Variants in NKAIN2 observed in about 807,000 individuals in gnomAD.
NKAIN2 encodes the protein sodium/potassium-transporting ATPase subunit beta-1-interacting protein 2.
In NKAIN2, 14 loss-of-function variants were observed where a neutral mutation model predicts 32.6. The observed-to-expected ratio is 0.43, with a 90% CI of 0.28 to 0.67. The LOEUF (loss-of-function observed/expected upper bound fraction) is 0.67. NKAIN2 is among the 30% of genes least tolerant of loss of function. The pLI, the probability that NKAIN2 is intolerant of heterozygous loss-of-function variation, is 0.17. For synonymous variants in NKAIN2, 80 were observed against 87.2 expected (o/e 0.92, Z 0.46); for missense variants, 198 against 258.3 (o/e 0.77, Z 1.60).
rs1468866386 is a variant in NKAIN2, at chr6:124,078,654, C to T, written c.55-204351C>T. 3.9e-5 allele frequency among the ~76,000 whole-genome samples: 6 copies of T among 151,956 alleles called. No individual in the cohort carries two copies. In the South Asian group the frequency reaches 8.3e-4, roughly 21 times the overall value. On this transcript the variant is annotated intron_variant, in intron 1 of 6. Transcript: ENST00000368417. ...ACTCTTTATCTCTACATTTTGTAAT[C>T]CTAGTTTAAAGAAGTTCTCTTGATT...
chr6:124,331,345 CAAAAAAAAAAAAAAAAAA>C (rs1162529828), intron 2 of NKAIN2, among the ~76,000 whole-genome samples: 46 of 20,816 alleles, frequency 2.2e-3, no homozygotes, highest in Admixed American at 5.4e-3. Flanking sequence ...ACTAAATATA[CAAAAAAAAAAAAAAAAAA>C]AAAAAAAAAA....
intron 1 of NKAIN2, among the ~76,000 whole-genome samples, chr6:123,858,238 C>G (rs6927299): frequency 6.6e-6 from 1 of 151,734 alleles, no homozygotes; most frequent in African/African-American, 2.4e-5. Flanking sequence ...GCCTCAGCCT[C>G]CCAAGTAGTT....
chr6:124,411,562 G>T (rs1438766886), intron 3 of NKAIN2, among the ~76,000 whole-genome samples: 2 of 152,232 alleles, frequency 1.3e-5, no homozygotes, highest in Admixed American at 1.3e-4. Flanking sequence ...CTGTTAGTCT[G>T]ATGGGCTTCC....
intron 4 of NKAIN2, among the ~76,000 whole-genome samples, chr6:124,722,057 G>C (rs1776046556): frequency 6.6e-6 from 1 of 152,138 alleles, no homozygotes; most frequent in African/African-American, 2.4e-5. Context: ...TACCTAATAT[G>C]AGTGGAATCA....
intron 1 of NKAIN2, among the ~76,000 whole-genome samples, chr6:124,221,940 A>G (rs1791854385): frequency 6.6e-6 from 1 of 152,190 alleles, no homozygotes; most frequent in Non-Finnish European, 1.5e-5. Flanking sequence ...CTATCACAAA[A>G]TGGCTTTTCA....
At chr6:124,172,977 C>T (rs1378827669) in intron 1 of NKAIN2, among the ~76,000 whole-genome samples, 2 of 152,204 alleles carry the variant, frequency 1.3e-5, no homozygotes, top group East Asian at 3.9e-4. Flanking sequence ...CATATACACT[C>T]AAAGCTTTCC....
intron 1 of NKAIN2, among the ~76,000 whole-genome samples, chr6:124,266,363 G>T (rs370222864): frequency 2.6e-5 from 4 of 151,980 alleles, no homozygotes; most frequent in African/African-American, 9.7e-5. Flanking sequence ...CTTTAGCCTC[G>T]ACTTCTTGAG....
At chr6:124,570,990 G>A (rs1351784465) in intron 3 of NKAIN2, among the ~76,000 whole-genome samples, 1 of 152,206 alleles carries the variant, frequency 6.6e-6, no homozygotes, top group African/African-American at 2.4e-5. Context: ...TTTTGCATCA[G>A]TGTGACCTGG....
rs115893962 is a variant in NKAIN2, at chr6:124,672,011, A to C, written c.474+13625A>C. Among the ~76,000 whole-genome samples the C allele has an allele frequency of 8.4e-3, 1,284 of 152,072 alleles. 25 individuals are homozygous for C. The highest frequency in any genetic ancestry group is 0.03 in the African/African-American group (1,226 of 41,520). On this transcript the variant is annotated intron_variant, in intron 4 of 6. Transcript: ENST00000368417. Reference sequence around the variant, plus strand: ...TTTTTCCTGTCAATGAGCCCATTTTAAAAAACAAAAAAGAGAGAAGAAACT... The same window carrying C: ...TTTTTCCTGTCAATGAGCCCATTTTCAAAAACAAAAAAGAGAGAAGAAACT...
In NKAIN2 at chr6:123,851,551, GT is replaced by G. The variant is rs914459387; in HGVS notation, c.54+47303del. 3.3e-5 allele frequency among the ~76,000 whole-genome samples: 5 copies of G among 151,964 alleles called. No individual in the cohort carries two copies. In the East Asian group the frequency reaches 5.8e-4, roughly 18 times the overall value. ...CAGTTATGAGCCACCACGCCCAGCTGTTTTTTATTTTTTGAGGAGCTTTGAT... is the reference window on the plus strand; with the variant it reads ...CAGTTATGAGCCACCACGCCCAGCTGTTTTTATTTTTTGAGGAGCTTTGAT... On this transcript the variant is annotated intron_variant, in intron 1 of 6. Coordinates refer to ENST00000368417, the MANE Select transcript of NKAIN2 (RefSeq NM_001040214.3).
chr6:123,962,978 C>T (rs1777916628), intron 1 of NKAIN2, among the ~76,000 whole-genome samples: 1 of 152,122 alleles, frequency 6.6e-6, no homozygotes, highest in African/African-American at 2.4e-5. Context: ...TAGGTCAGCT[C>T]ACTGTTATTT....
intron 1 of NKAIN2, among the ~76,000 whole-genome samples, chr6:123,894,246 AG>A (rs2114386178): frequency 6.6e-6 from 1 of 152,280 alleles, no homozygotes; most frequent in Admixed American, 6.5e-5. Flanking sequence ...CTGCTTGGCC[AG>A]GCAGAAGCTG....
chr6:123,905,938 A>G (rs1382540052), intron 1 of NKAIN2, among the ~76,000 whole-genome samples: 1 of 152,190 alleles, frequency 6.6e-6, no homozygotes, highest in African/African-American at 2.4e-5. Context: ...TGTCATATAT[A>G]TAGGTACCAG....
At chr6:124,462,368 A>G (rs1250051091) in intron 3 of NKAIN2, among the ~76,000 whole-genome samples, 1 of 152,008 alleles carries the variant, frequency 6.6e-6, no homozygotes, top group East Asian at 1.9e-4. Context: ...AACCAGACTT[A>G]CTAATTTAAA....
chr6:124,712,436 T>G (rs1183004279), intron 4 of NKAIN2, among the ~76,000 whole-genome samples: 1 of 115,688 alleles, frequency 8.6e-6, no homozygotes, highest in Non-Finnish European at 1.8e-5. Context: ...GCCTTGCAGT[T>G]TGATCTCAGA....
In NKAIN2 at chr6:124,658,480, A is replaced by C. The variant is rs764826986; in HGVS notation, c.474+94A>C. 10 of 1,581,262 alleles carry C rather than the reference A, an allele frequency of 6.3e-6. No homozygotes were observed. The South Asian group carries it at 1.0e-4, about 16-fold the overall frequency. On this transcript the variant is annotated intron_variant, in intron 4 of 6. Coordinates refer to ENST00000368417, the MANE Select transcript of NKAIN2 (RefSeq NM_001040214.3). The stretch of plus-strand genomic sequence containing the variant: ...GCACACAAATGGAATCTGTGGGTAA[A>C]GTGTGGCCTTTTTGCTTTTTCCTCA...
rs527995472 is a variant in NKAIN2, at chr6:123,882,992, T to G, written c.54+78738T>G. On this transcript the variant is annotated intron_variant, in intron 1 of 6. Coordinates refer to ENST00000368417, the MANE Select transcript of NKAIN2 (RefSeq NM_001040214.3). Reference sequence around the variant, plus strand: ...GTGTGTGTGTGTGTGTACGTACATGTGTGTGTTTGTATTATACACGCATTG... The same window carrying G: ...GTGTGTGTGTGTGTGTACGTACATGGGTGTGTTTGTATTATACACGCATTG... Among the ~76,000 whole-genome samples, 4 of 152,250 alleles carry G rather than the reference T, an allele frequency of 2.6e-5. No homozygotes were observed. In the East Asian group the frequency reaches 7.7e-4, roughly 29 times the overall value.
chr6:124,766,143 T>A (rs1166008924), intron 4 of NKAIN2, among the ~76,000 whole-genome samples: 1 of 152,210 alleles, frequency 6.6e-6, no homozygotes, highest in Non-Finnish European at 1.5e-5. Flanking sequence ...GAGCTTTCAG[T>A]TGATTTCATA....
intron 3 of NKAIN2, among the ~76,000 whole-genome samples, chr6:124,407,987 A>C (rs1343468008): frequency 6.6e-6 from 1 of 152,042 alleles, no homozygotes; most frequent in African/African-American, 2.4e-5. Context: ...GGCTGCATAA[A>C]TGTCTTCTTT....
Sources: allele counts gnomAD v4.1 joint callset (sites outside exome capture counted in the v4.1 genomes callset), GRCh38; gene constraint gnomAD v4.1.1; transcripts MANE v1.5; gene names NCBI Gene and HGNC (gene_info 2026-07-23, HGNC 2026-07-21).